The following CALN1 variants were observed in gnomAD, a reference collection of about 807,000 sequenced individuals.
CALN1 encodes calneuron 1.
CALN1 carries 17 observed loss-of-function variants against 30.6 expected under a neutral mutation model. That is an observed-to-expected ratio of 0.56 (90% CI 0.38 to 0.83). The LOEUF (loss-of-function observed/expected upper bound fraction) is 0.83, where lower values mean the gene tolerates loss of function less well. Among genes scored for constraint, CALN1 ranks in the 40% least tolerant of loss-of-function variants. The probability of loss-of-function intolerance (pLI) is 0.00; values close to 1 mark genes in which losing one functional copy is unlikely to be tolerated. For missense variants in CALN1, 291 were observed against 354.9 expected (o/e 0.82, Z 1.45); for synonymous variants, 156 against 131.4 (o/e 1.19, Z -1.28).
chr7:72,152,264 A>G (rs1585048022), intron 3 of CALN1, among the ~76,000 whole-genome samples: 1 of 151,974 alleles, frequency 6.6e-6, no homozygotes, highest in South Asian at 2.1e-4. Context: ...TGCCTCCCCT[A>G]TGGGGAGACC....
intron 5 of CALN1, among the ~76,000 whole-genome samples, chr7:71,976,644 C>T (rs1187997323): frequency 6.6e-6 from 1 of 152,182 alleles, no homozygotes; most frequent in African/African-American, 2.4e-5. Flanking sequence ...CGTGCAGTGA[C>T]TCACGCTGAA....
intron 4 of CALN1, among the ~76,000 whole-genome samples, chr7:72,084,123 C>A (rs555076005): frequency 6.6e-6 from 1 of 152,126 alleles, no homozygotes; most frequent in Admixed American, 6.6e-5. Flanking sequence ...GCAGGAGAAT[C>A]GCTTGAACCT....
At chr7:72,369,979 A>G (rs1804126897) in intron 2 of CALN1, among the ~76,000 whole-genome samples, 1 of 152,196 alleles carries the variant, frequency 6.6e-6, no homozygotes. Flanking sequence ...TTTTGGTTAA[A>G]TACCTAGAAA....
At chr7:72,345,780 A>C (rs947764088) in intron 2 of CALN1, among the ~76,000 whole-genome samples, 3 of 152,248 alleles carry the variant, frequency 2.0e-5, no homozygotes, top group Non-Finnish European at 4.4e-5. Context: ...GCCTTAAATT[A>C]TCTCAATAAT....
chr7:71,816,115 C>T (rs183543897), intron 5 of CALN1, among the ~76,000 whole-genome samples: 7 of 151,874 alleles, frequency 4.6e-5, no homozygotes, highest in African/African-American at 1.7e-4. Flanking sequence ...AGCCATCCTC[C>T]TGCCTTGCTT....
rs550321043 is a variant in CALN1, at chr7:71,856,838, C to T, written c.502-46346G>A. Among the ~76,000 whole-genome samples, 80 of 152,082 alleles carry T rather than the reference C, an allele frequency of 5.3e-4. 1 individual carries two copies. The highest frequency in any genetic ancestry group is 1.9e-3 in the African/African-American group (78 of 41,476). On this transcript the variant is annotated intron_variant, in intron 5 of 6. Transcript: ENST00000395275. ...GGTTTGGTGGTGCATGCCTATAATC[C>T]CAGCTACTCAGGAGGCTCAGGTGGA...
chr7:72,091,834 T>A, intron 4 of CALN1, among the ~76,000 whole-genome samples: 1 of 152,178 alleles, frequency 6.6e-6, no homozygotes, highest in Non-Finnish European at 1.5e-5. Context: ...ACAGGAGAAA[T>A]GTATATTTTT....
At chr7:72,199,236 C>G (rs1791245375) in intron 3 of CALN1, among the ~76,000 whole-genome samples, 1 of 152,174 alleles carries the variant, frequency 6.6e-6, no homozygotes, top group Non-Finnish European at 1.5e-5. Context: ...GATTGCACCA[C>G]TGCACTCCAG....
intron 2 of CALN1, among the ~76,000 whole-genome samples, chr7:72,341,388 T>C (rs541233019): frequency 2.0e-5 from 3 of 152,148 alleles, no homozygotes; most frequent in Admixed American, 1.3e-4. Flanking sequence ...CTAGGCATGG[T>C]GGTGGATGCC....
chr7:72,370,830 G>C (rs1804192714), intron 2 of CALN1, among the ~76,000 whole-genome samples: 1 of 151,990 alleles, frequency 6.6e-6, no homozygotes, highest in Admixed American at 6.6e-5. Flanking sequence ...TGGATTACTT[G>C]AGGTTAGGAG....
the CALN1 span, among the ~76,000 whole-genome samples, chr7:72,502,096 A>T: frequency 6.7e-6 from 1 of 148,856 alleles, no homozygotes; most frequent in Non-Finnish European, 1.5e-5. Context: ...GGGCCTCAAG[A>T]TTTATTTGAG....
chr7:72,283,888 G>A (rs199619358), intron 2 of CALN1, among the ~76,000 whole-genome samples: 12 of 100,062 alleles, frequency 1.2e-4, no homozygotes, highest in African/African-American at 7.5e-4. Flanking sequence ...TGGGTGCCAG[G>A]GAGGCTGGCT....
chr7:72,034,281 G>C (rs1324254013), intron 4 of CALN1, among the ~76,000 whole-genome samples: 2 of 150,404 alleles, frequency 1.3e-5, no homozygotes, highest in Non-Finnish European at 2.9e-5. Flanking sequence ...GTGAACCCAG[G>C]AGGCGGAGCT....
intron 4 of CALN1, among the ~76,000 whole-genome samples, chr7:72,025,961 G>C (rs1265250877): frequency 1.3e-5 from 2 of 152,186 alleles, no homozygotes; most frequent in African/African-American, 4.8e-5. Flanking sequence ...GGCGTGGCAA[G>C]TCAATGGGAA....
chr7:72,410,085 T>G lies in CALN1; in HGVS notation c.-74+1973A>C, dbSNP rs559675909. 4.7e-4 allele frequency among the ~76,000 whole-genome samples: 72 copies of G among 152,276 alleles called. 2 individuals carry two copies. In the South Asian group the frequency reaches 0.012, roughly 26 times the overall value. ...ACAAAATGTTCCATTGTGCGGGTCA[T>G]GCCATATGGTGTGTAATGGGGTACG... On this transcript the variant is annotated intron_variant, in intron 1 of 6. Transcript: ENST00000395275.
chr7:72,457,654 C>T, the CALN1 span, among the ~76,000 whole-genome samples: 6 of 152,114 alleles, frequency 3.9e-5, no homozygotes, highest in Non-Finnish European at 7.3e-5. Context: ...TTCCCTGAAA[C>T]AGTCACCACA....
intron 3 of CALN1, among the ~76,000 whole-genome samples, chr7:72,225,580 T>C (rs562450263): frequency 3.3e-5 from 5 of 152,034 alleles, no homozygotes; most frequent in Admixed American, 3.3e-4. Context: ...TGAAGACTGA[T>C]AATTCCACGT....
chr7:72,173,233 C>A (rs1789095456), intron 3 of CALN1, among the ~76,000 whole-genome samples: 2 of 151,814 alleles, frequency 1.3e-5, no homozygotes, highest in South Asian at 4.1e-4. Context: ...AAATAAAGTA[C>A]ATATGAATAA....
At chr7:72,152,707 G>A (rs187334406) in intron 3 of CALN1, among the ~76,000 whole-genome samples, 1 of 152,234 alleles carries the variant, frequency 6.6e-6, no homozygotes, top group East Asian at 1.9e-4. Flanking sequence ...GCTACCAGCC[G>A]AGAGAGAGGC....
Sources: gnomAD v4.1 joint callset for allele counts (sites outside exome capture counted in the v4.1 genomes callset) on GRCh38, gnomAD v4.1.1 for gene constraint, MANE v1.5 for transcripts, NCBI Gene and HGNC (gene_info 2026-07-23, HGNC 2026-07-21) for gene names.